STEAP1: variants seen among roughly 807,000 people sequenced by gnomAD.
STEAP1 encodes STEAP family member 1, also known as STEAP1 protein.
A neutral mutation model predicts 34.4 loss-of-function variants in STEAP1; 30 were observed. The ratio of observed to expected loss-of-function variants is 0.87; its 90% CI spans 0.65 to 1.18. The LOEUF is 1.18. Among genes scored for constraint, STEAP1 ranks in the 50% most tolerant of loss-of-function variants. The pLI is 0.00. For synonymous variants in STEAP1, 116 were observed against 135.3 expected, an observed-to-expected ratio of 0.86 and a Z score of 0.99; for missense variants, 318 against 391.1, an observed-to-expected ratio of 0.81 and a Z score of 1.58.
intron 2 of STEAP1, among the ~76,000 whole-genome samples, chr7:90,160,377 T>C (rs1794167446): frequency 1.3e-5 from 2 of 152,088 alleles, no homozygotes; most frequent in South Asian, 4.1e-4. Flanking sequence ...AAACACAGGA[T>C]TAAGTGTTTC....
chr7:90,157,535 C>T (rs113473536), intron 1 of STEAP1, among the ~76,000 whole-genome samples: 3,959 of 152,292 alleles, frequency 0.026, 177 homozygotes, highest in African/African-American at 0.089. Context: ...GTCATATACC[C>T]ACTTCTGTGA....
chr7:90,158,165 C>G (rs1794137829), intron 1 of STEAP1, among the ~76,000 whole-genome samples: 1 of 152,130 alleles, frequency 6.6e-6, no homozygotes, highest in Non-Finnish European at 1.5e-5. Context: ...GGAAGTTGCT[C>G]TGGGTGAGTC....
chr7:90,156,727 T>C (rs568358587), intron 1 of STEAP1, among the ~76,000 whole-genome samples: 3 of 152,034 alleles, frequency 2.0e-5, no homozygotes, highest in Non-Finnish European at 4.4e-5. Context: ...CTTGGAAAAA[T>C]TGTCTTCCAC....
At chr7:90,157,799 T>C (rs1794134270) in intron 1 of STEAP1, among the ~76,000 whole-genome samples, 1 of 152,274 alleles carries the variant, frequency 6.6e-6, no homozygotes, top group Admixed American at 6.5e-5. Flanking sequence ...AGTTAAACCT[T>C]TAAAACTTGG....
intron 1 of STEAP1, among the ~76,000 whole-genome samples, chr7:90,159,128 T>C (rs1166359888): frequency 4.6e-5 from 7 of 152,216 alleles, no homozygotes; most frequent in Admixed American, 4.6e-4. Context: ...AAGATTCTTT[T>C]ATCAAGTGAG....
chr7:90,164,363 T>A (rs772660495), intron 4 of STEAP1, 114 bp from the exon 5 acceptor site: 358 of 1,245,016 alleles, frequency 2.9e-4, no homozygotes, highest in Middle Eastern at 7.9e-4. Context: ...AGAAATGTGA[T>A]AGGAAAACAA....
At chr7:90,163,756 T>G (rs1794215461) in intron 4 of STEAP1, among the ~76,000 whole-genome samples, 1 of 152,192 alleles carries the variant, frequency 6.6e-6, no homozygotes, top group Non-Finnish European at 1.5e-5. Flanking sequence ...ACAACTATTT[T>G]TAAGCAACTT....
At chr7:90,155,640 G>A (rs969063634) in intron 1 of STEAP1, among the ~76,000 whole-genome samples, 2 of 152,136 alleles carry the variant, frequency 1.3e-5, no homozygotes, top group African/African-American at 4.8e-5. Context: ...AATGTCTGAT[G>A]GAAACCAACA....
chr7:90,162,308 T>TTTTTTG, intron 4 of STEAP1: 127 of 596,358 alleles, frequency 2.1e-4, no homozygotes, highest in South Asian at 2.8e-4. Flanking sequence ...TGTTTTTTTT[T>TTTTTTG]TTTGTTTGTT....
chr7:90,158,374 A>T (rs1184144965), intron 1 of STEAP1, among the ~76,000 whole-genome samples: 15 of 152,246 alleles, frequency 9.9e-5, no homozygotes, highest in Non-Finnish European at 1.8e-4. Context: ...TTAGCTTAAA[A>T]CATAGTCACA....
At chr7:90,157,505 A>G (rs1405086343) in intron 1 of STEAP1, among the ~76,000 whole-genome samples, 1 of 152,254 alleles carries the variant, frequency 6.6e-6, no homozygotes, top group Non-Finnish European at 1.5e-5. Flanking sequence ...ATGGGAAAAC[A>G]GGAAACTGCC....
chr7:90,157,018 G>C (rs1483844658), intron 1 of STEAP1, among the ~76,000 whole-genome samples: 2 of 151,532 alleles, frequency 1.3e-5, no homozygotes, highest in Non-Finnish European at 3.0e-5. Context: ...TAAGGAGATA[G>C]AGTGTCATTT....
chr7:90,157,237 G>A (rs1280339396), intron 1 of STEAP1, among the ~76,000 whole-genome samples: 1 of 152,032 alleles, frequency 6.6e-6, no homozygotes, highest in Non-Finnish European at 1.5e-5. Context: ...TAGTCTCAGG[G>A]GCTCTAAATA....
chr7:90,158,208 G>A (rs1369148892), intron 1 of STEAP1, among the ~76,000 whole-genome samples: 7 of 152,066 alleles, frequency 4.6e-5, no homozygotes, highest in Admixed American at 4.6e-4. Flanking sequence ...GTAAAGGCCT[G>A]GGACATTACT....
chr7:90,154,752 G>T (rs574415628), intron 1 of STEAP1, among the ~76,000 whole-genome samples: 2 of 152,190 alleles, frequency 1.3e-5, no homozygotes, highest in Non-Finnish European at 2.9e-5. Context: ...AGCCCAGCTG[G>T]GTTGTGGCCG....
chr7:90,162,260 G>A (rs1164507384), intron 4 of STEAP1, 182 bp downstream of exon 4: 3 of 844,350 alleles, frequency 3.6e-6, no homozygotes, highest in Non-Finnish European at 4.9e-6. Context: ...TAGGACAAGT[G>A]TTTCCTAGAC....
At chr7:90,157,110 T>C (rs1295866946) in intron 1 of STEAP1, among the ~76,000 whole-genome samples, 1 of 152,148 alleles carries the variant, frequency 6.6e-6, no homozygotes, top group Non-Finnish European at 1.5e-5. Context: ...TACTTGATGA[T>C]TGGCATATGC....
intron 4 of STEAP1, chr7:90,162,954 G>T (rs759178962): frequency 2.8e-6 from 1 of 358,638 alleles, no homozygotes; most frequent in Non-Finnish European, 6.5e-6. Context: ...GATTTACTGA[G>T]GTTTATCTTC....
chr7:90,158,598 A>G (rs1794145163), intron 1 of STEAP1, among the ~76,000 whole-genome samples: 1 of 152,182 alleles, frequency 6.6e-6, no homozygotes, highest in African/African-American at 2.4e-5. Context: ...AGTAACAGGC[A>G]TGGAGCTGCC....
Sources: allele counts gnomAD v4.1 joint callset (sites outside exome capture counted in the v4.1 genomes callset), GRCh38; gene constraint gnomAD v4.1.1; transcripts MANE v1.5; gene names NCBI Gene and HGNC (gene_info 2026-07-23, HGNC 2026-07-21).